Variants in CNR2 observed in about 807,000 individuals in gnomAD.
The protein encoded by CNR2 is cannabinoid receptor 2.
For missense variants in CNR2, 379 were observed against 439.9 expected (o/e 0.86, Z 1.24); for synonymous variants, 172 against 182.2 (o/e 0.94, Z 0.45).
rs201078947 is a variant in CNR2, at chr1:23,894,765, C to CAA, written c.-46+18479_-46+18480dup. Among the ~76,000 whole-genome samples the CAA allele has an allele frequency of 3.0e-4, 44 of 148,420 alleles. No homozygotes were observed. In the South Asian group the frequency reaches 3.0e-3, roughly 10 times the overall value. On this transcript the variant is annotated intron_variant, in intron 1 of 1. Transcript: ENST00000374472. ...TGGGCAACAGAGTGAAATTTTGTCTCAAAAAAAAAAAGAAAGAAAGAAAGA... is the reference window on the plus strand; with the variant it reads ...TGGGCAACAGAGTGAAATTTTGTCTCAAAAAAAAAAAAAGAAAGAAAGAAAGA...
Position 23,875,125 on chromosome 1 carries a change from A to T in CNR2, c.493T>A (p.Ser165Thr). Residue 165 changes from serine to threonine, a missense_variant, in exon 2 of 2, where the codon TCC (serine) becomes ACC (threonine). Physicochemically the swap from Ser to Thr is moderately conservative, Grantham distance 58. Coordinates refer to ENST00000374472, the MANE Select transcript of CNR2 (RefSeq NM_001841.3). ...GIMWVLSALV[S>T]YLPLMGWTCC... ...GTCCATCCCATGAGGGGCAGGTAGG[A>T]GACTAGTGCTGAGAGGACCCACATG... The T allele has an allele frequency of 6.2e-7, 1 of 1,608,040 alleles. No homozygotes were observed. Among genetic ancestry groups the T allele is most frequent in the Non-Finnish European group, 8.5e-7 (1 of 1,176,582 alleles).
Position 23,875,434 on chromosome 1 carries a change from G to A in CNR2, c.184C>T (p.His62Tyr). 1 of 1,614,224 alleles carries A rather than the reference G, an allele frequency of 6.2e-7. No homozygotes were observed. The highest frequency in any genetic ancestry group is 8.5e-7 in the Non-Finnish European group (1 of 1,180,036). The change falls in exon 2 of 2, where the codon CAC becomes TAC. Residue 62 changes from histidine to tyrosine, a missense_variant. Physicochemically the swap from His to Tyr is moderately conservative, Grantham distance 83 (BLOSUM62 2). Coordinates refer to ENST00000374472, the MANE Select transcript of CNR2 (RefSeq NM_001841.3). ...TATGAGGGCTTCCGGCGGAGTTGGT[G>A]GGAGGACAGGATCAGATAGAGCACA... Reference protein sequence around the residue: ...VAVLYLILSSHQLRRKPSYLF... With the variant: ...VAVLYLILSSYQLRRKPSYLF...
chr1:23,879,794 G>A (rs1321023321), intron 1 of CNR2, among the ~76,000 whole-genome samples: 1 of 151,630 alleles, frequency 6.6e-6, no homozygotes, highest in Non-Finnish European at 1.5e-5. Context: ...TCCTAACTGG[G>A]CCCCCTGCTT....
chr1:23,883,140 G>T (rs12759917), intron 1 of CNR2, among the ~76,000 whole-genome samples: 110,571 of 152,106 alleles, frequency 0.73, 40,970 homozygotes, highest in Middle Eastern at 0.79. Flanking sequence ...GAAAAGATGC[G>T]TAACCTCAAT....
chr1:23,902,160 C>T lies in CNR2; in HGVS notation c.-46+11086G>A, dbSNP rs551574989. The T allele has an allele frequency of 7.5e-4, 1,059 of 1,417,960 alleles. 4 individuals are homozygous for T. The highest frequency in any genetic ancestry group is 5.1e-3 in the Middle Eastern group (29 of 5,642). 87.8% of individuals were successfully genotyped at this position (1,417,960 alleles called of 1,614,324 possible). On this transcript the variant is annotated intron_variant, in intron 1 of 1. Transcript: ENST00000374472. ...TGACTGGCAGCCCCTGCCTCTTGCA[C>T]TCTGCCTTGGCCCAGTTCAGGACGG...
chr1:23,880,160 C>T (rs1427334310), intron 1 of CNR2, among the ~76,000 whole-genome samples: 1 of 149,472 alleles, frequency 6.7e-6, no homozygotes, highest in East Asian at 2.0e-4. Context: ...CCATGTAATA[C>T]CCTAACTCAT....
chr1:23,876,195 TTTTA>T lies in CNR2; in HGVS notation c.-45-537_-45-534del, dbSNP rs150599301. On this transcript the variant is annotated intron_variant, in intron 1 of 1. Transcript: ENST00000374472. Reference sequence around the variant, plus strand: ...ATTAAACAATTTATTTTATTTTAATTTTTATTTATTTATTTATTTATTTATTTTT... The same window carrying T: ...ATTAAACAATTTATTTTATTTTAATTTTTATTTATTTATTTATTTATTTTT... Among the ~76,000 whole-genome samples the T allele has an allele frequency of 1.8e-4, 26 of 147,662 alleles. No homozygotes were observed. The East Asian group carries it at 3.8e-3, about 22-fold the overall frequency.
At chr1:23,880,141 C>T (rs1326777260) in intron 1 of CNR2, among the ~76,000 whole-genome samples, 1 of 151,980 alleles carries the variant, frequency 6.6e-6, no homozygotes, top group East Asian at 1.9e-4. Context: ...GACACCTACC[C>T]TGACTACCCC....
chr1:23,902,969 G>A (rs1186924855), intron 1 of CNR2, among the ~76,000 whole-genome samples: 1 of 151,490 alleles, frequency 6.6e-6, no homozygotes, highest in Non-Finnish European at 1.5e-5. Flanking sequence ...CCCCCGCCCC[G>A]CGCCCTCGCG....
intron 1 of CNR2, among the ~76,000 whole-genome samples, chr1:23,888,079 T>C (rs1444718161): frequency 1.3e-5 from 2 of 152,230 alleles, no homozygotes; most frequent in East Asian, 3.8e-4. Flanking sequence ...TGCTTCCTGC[T>C]TCACATAATG....
chr1:23,875,050 A>G lies in CNR2; in HGVS notation c.568T>C (p.Tyr190His). 6.2e-7 allele frequency: 1 copy of G among 1,606,098 alleles called. No individual in the cohort carries two copies. The highest frequency in any genetic ancestry group is 8.5e-7 in the Non-Finnish European group (1 of 1,176,320). Reference sequence around the variant, plus strand: ...ATGAACAGGAGCCAGCTCAGCAGGTAGTCATTGGGGATCAGTGGGAAAAGC... The same window carrying G: ...ATGAACAGGAGCCAGCTCAGCAGGTGGTCATTGGGGATCAGTGGGAAAAGC... ...SELFPLIPNDYLLSWLLFIAF... is the reference protein window; with the variant it reads ...SELFPLIPNDHLLSWLLFIAF... The change falls in exon 2 of 2, where the codon TAC (tyrosine) becomes CAC (histidine). Residue 190 changes from tyrosine to histidine, a missense_variant. By Grantham distance (83) the Tyr-to-His change is moderately conservative. Coordinates refer to ENST00000374472, the MANE Select transcript of CNR2 (RefSeq NM_001841.3).
At chr1:23,912,709 GA>G (rs1182457053) in intron 1 of CNR2, among the ~76,000 whole-genome samples, 1 of 152,208 alleles carries the variant, frequency 6.6e-6, no homozygotes, top group Non-Finnish European at 1.5e-5. Context: ...GTAATGAAAT[GA>G]AAGCCAAAGT....
intron 1 of CNR2, among the ~76,000 whole-genome samples, chr1:23,882,909 C>T (rs1640018067): frequency 6.6e-6 from 1 of 152,022 alleles, no homozygotes; most frequent in South Asian, 2.1e-4. Flanking sequence ...GAAGAAGGGC[C>T]ATGGCATACA....
At chr1:23,877,681 G>C (rs1291371526) in intron 1 of CNR2, among the ~76,000 whole-genome samples, 1 of 152,008 alleles carries the variant, frequency 6.6e-6, no homozygotes, top group East Asian at 1.9e-4. Context: ...TAGATCTGGG[G>C]CTGGGCACAG....
At chr1:23,888,165 C>T (rs1161796528) in intron 1 of CNR2, among the ~76,000 whole-genome samples, 1 of 152,186 alleles carries the variant, frequency 6.6e-6, no homozygotes, top group Non-Finnish European at 1.5e-5. Context: ...GTCCACTGAG[C>T]CAGTGTACAC....
intron 1 of CNR2, among the ~76,000 whole-genome samples, chr1:23,880,030 T>C (rs1639951742): frequency 6.6e-6 from 1 of 152,154 alleles, no homozygotes; most frequent in South Asian, 2.1e-4. Flanking sequence ...CACAGGTCCT[T>C]TGCACTGGCT....
chr1:23,871,235 T>C lies in CNR2; in HGVS notation c.*3300A>G, dbSNP rs1226503951. ...GAAGTAGAAAGTGTGGAGTTGCGTT[T>C]GATCAAATGATTTTTAGAATCTAGT... On this transcript the variant is annotated 3_prime_UTR_variant, in exon 2 of 2. Transcript: ENST00000374472. 7.9e-5 allele frequency: 12 copies of C among 151,878 alleles called. No individual in the cohort carries two copies. The highest frequency in any genetic ancestry group is 1.6e-4 in the Non-Finnish European group (11 of 67,980). 9.4% of individuals were successfully genotyped at this position (151,878 alleles called of 1,614,324 possible).
intron 1 of CNR2, among the ~76,000 whole-genome samples, chr1:23,890,551 G>C (rs1640170812): frequency 6.6e-6 from 1 of 151,972 alleles, no homozygotes; most frequent in African/African-American, 2.4e-5. Flanking sequence ...TTTGAGACCA[G>C]ACTGGCCAAC....
intron 1 of CNR2, among the ~76,000 whole-genome samples, chr1:23,877,996 T>G (rs1639917955): frequency 6.6e-6 from 1 of 151,548 alleles, no homozygotes; most frequent in Admixed American, 6.6e-5. Context: ...CTGAAGAAAT[T>G]TCTCACAATG....
Sources: allele counts gnomAD v4.1 joint callset (sites outside exome capture counted in the v4.1 genomes callset), GRCh38; gene constraint gnomAD v4.1.1; transcripts MANE v1.5; gene names NCBI Gene and HGNC (gene_info 2026-07-23, HGNC 2026-07-21).